The following UNC5C variants were observed in gnomAD, a reference collection of about 807,000 sequenced individuals.
UNC5C encodes netrin receptor UNC5C.
A neutral mutation model predicts 99.8 loss-of-function variants in UNC5C; 47 were observed. The ratio of observed to expected loss-of-function variants is 0.47; its 90% confidence interval spans 0.37 to 0.60. The LOEUF is 0.60. UNC5C is among the 20% of genes least tolerant of loss of function. The pLI is 0.00. For missense variants in UNC5C, 1,062 were observed against 1,165.9 expected, an observed-to-expected ratio of 0.91 and a Z score of 1.30; for synonymous variants, 487 against 452.2, an observed-to-expected ratio of 1.08 and a Z score of -0.98.
intron 10 of UNC5C, 32 bp from the exon 11 acceptor site, chr4:95,206,828 C>T: frequency 1.3e-6 from 2 of 1,497,898 alleles, no homozygotes; most frequent in Non-Finnish European, 1.8e-6. Flanking sequence ...GCTTCAGTGA[C>T]ATTTCCATTG....
At chr4:95,239,188 C>T (rs1418905531) in intron 7 of UNC5C, among the ~76,000 whole-genome samples, 1 of 152,144 alleles carries the variant, frequency 6.6e-6, no homozygotes, top group Non-Finnish European at 1.5e-5. Flanking sequence ...TAGATAGTGG[C>T]TTGCTGTTTG....
chr4:95,489,747 T>C (rs758721159), intron 1 of UNC5C, among the ~76,000 whole-genome samples: 4 of 151,524 alleles, frequency 2.6e-5, no homozygotes, highest in Non-Finnish European at 5.9e-5. Flanking sequence ...AGCTGACGAA[T>C]GGAATGGGAT....
intron 1 of UNC5C, among the ~76,000 whole-genome samples, chr4:95,515,026 A>G (rs987018989): frequency 6.6e-6 from 1 of 152,184 alleles, no homozygotes; most frequent in Non-Finnish European, 1.5e-5. Flanking sequence ...CTCCATCTCC[A>G]TAATGAAAGA....
intron 1 of UNC5C, among the ~76,000 whole-genome samples, chr4:95,438,871 T>C (rs1746866453): frequency 6.6e-6 from 1 of 152,134 alleles, no homozygotes; most frequent in African/African-American, 2.4e-5. Flanking sequence ...TATTTAGTTT[T>C]CCAGAAATGA....
At chr4:95,541,504 C>G (rs544977397) in intron 1 of UNC5C, among the ~76,000 whole-genome samples, 1 of 152,106 alleles carries the variant, frequency 6.6e-6, no homozygotes, top group South Asian at 2.1e-4. Flanking sequence ...TAAGTGGATA[C>G]TTTTATATCA....
chr4:95,397,567 C>A (rs532360101), intron 1 of UNC5C, among the ~76,000 whole-genome samples: 1 of 152,290 alleles, frequency 6.6e-6, no homozygotes, highest in African/African-American at 2.4e-5. Flanking sequence ...TAAATATATT[C>A]TTCCAAAGTA....
chr4:95,543,482 T>C (rs1722968994), intron 1 of UNC5C, among the ~76,000 whole-genome samples: 1 of 152,250 alleles, frequency 6.6e-6, no homozygotes, highest in Non-Finnish European at 1.5e-5. Context: ...AAATATAGTT[T>C]GAATAAATGA....
At chr4:95,492,175 G>A (rs923936036) in intron 1 of UNC5C, among the ~76,000 whole-genome samples, 19 of 151,326 alleles carry the variant, frequency 1.3e-4, no homozygotes, top group African/African-American at 3.6e-4. Flanking sequence ...ATAGTTTGGG[G>A]AAGGAATTAT....
At position 95,250,435 on chromosome 4, in the gene UNC5C, G is replaced by A. The variant is rs890241152; in HGVS notation, c.775+52C>T. On this transcript the variant is annotated intron_variant, in intron 5 of 15. Transcript: ENST00000453304. ...GGCTTCTAGCTTTACCGATGCCAACGAGAAACTGCAGTTAAACATGAACTA... is the reference window on the plus strand; with the variant it reads ...GGCTTCTAGCTTTACCGATGCCAACAAGAAACTGCAGTTAAACATGAACTA... The A allele has an allele frequency of 3.4e-5, 53 of 1,555,564 alleles. No homozygotes were observed. In the Middle Eastern group the frequency reaches 5.2e-4, roughly 15 times the overall value.
At chr4:95,431,663 C>T (rs1578159870) in intron 1 of UNC5C, among the ~76,000 whole-genome samples, 1 of 151,990 alleles carries the variant, frequency 6.6e-6, no homozygotes, top group African/African-American at 2.4e-5. Context: ...GAAATCATGT[C>T]CTACACATGT....
Position 95,517,731 on chromosome 4 carries a change from C to A in UNC5C, c.124+31003G>T, listed in dbSNP as rs922378618. The stretch of plus-strand genomic sequence containing the variant: ...ATACCAATAAGAAGAGACATCTGGT[C>A]ATTTTGGCATGATCACGTTTCTGTT... On this transcript the variant is annotated intron_variant, in intron 1 of 15. Coordinates refer to ENST00000453304, the MANE Select transcript of UNC5C (RefSeq NM_003728.4). 3.9e-5 allele frequency among the ~76,000 whole-genome samples: 6 copies of A among 152,150 alleles called. No homozygotes were observed. The South Asian group carries it at 1.2e-3, about 32-fold the overall frequency.
intron 7 of UNC5C, among the ~76,000 whole-genome samples, chr4:95,237,603 A>T (rs1032713752): frequency 6.6e-5 from 10 of 152,190 alleles, no homozygotes; most frequent in Admixed American, 3.9e-4. Context: ...TAAGCATTCT[A>T]AAAACTATAA....
At chr4:95,245,806 C>T (rs1739483938) in intron 5 of UNC5C, among the ~76,000 whole-genome samples, 1 of 152,212 alleles carries the variant, frequency 6.6e-6, no homozygotes, top group African/African-American at 2.4e-5. Flanking sequence ...GTAAAACCTA[C>T]ACCGTAAGAC....
chr4:95,238,316 T>G (rs1739201208), intron 7 of UNC5C, among the ~76,000 whole-genome samples: 1 of 152,198 alleles, frequency 6.6e-6, no homozygotes, highest in Admixed American at 6.5e-5. Flanking sequence ...CTTAAAATTT[T>G]TATTTTGAAT....
At position 95,301,704 on chromosome 4, in the gene UNC5C, A is replaced by G. The variant is rs1196772897; in HGVS notation, c.392T>C (p.Val131Ala). ...EVSIEISRQQ[V>A]EELFGPEDYW... Reference sequence around the variant, plus strand: ...ATCTTCAGGTCCAAAGAGTTCTTCCACTTGCTGGCGCGAAATCTCAATGCT... The same window carrying G: ...ATCTTCAGGTCCAAAGAGTTCTTCCGCTTGCTGGCGCGAAATCTCAATGCT... Residue 131 changes from valine to alanine, a missense_variant, in exon 3 of 16, where the codon GTG becomes GCG. By Grantham distance (64) the Val-to-Ala change is moderately conservative. Around this residue, in one of 3 missense-constraint regions of UNC5C, gnomAD observed 249 missense variants for 295.1 expected, o/e 0.84. Coordinates refer to ENST00000453304, the MANE Select transcript of UNC5C (RefSeq NM_003728.4). 6.2e-7 allele frequency: 1 copy of G among 1,613,172 alleles called. No homozygotes were observed. The highest frequency in any genetic ancestry group is 8.5e-7 in the Non-Finnish European group (1 of 1,180,006).
intron 3 of UNC5C, among the ~76,000 whole-genome samples, chr4:95,289,200 A>G (rs569712613): frequency 3.3e-5 from 5 of 152,264 alleles, no homozygotes; most frequent in Non-Finnish European, 1.5e-5. Flanking sequence ...TTACATACCC[A>G]CTTCCTCCAG....
intron 3 of UNC5C, among the ~76,000 whole-genome samples, chr4:95,279,420 T>A (rs1740973414): frequency 6.6e-6 from 1 of 152,220 alleles, no homozygotes; most frequent in African/African-American, 2.4e-5. Context: ...GTTTGTCATT[T>A]TAAACACATC....
intron 1 of UNC5C, among the ~76,000 whole-genome samples, chr4:95,446,172 T>C (rs1036787481): frequency 4.0e-5 from 6 of 151,568 alleles, no homozygotes; most frequent in African/African-American, 1.2e-4. Context: ...TTTACTATGA[T>C]ACAAATAAGT....
intron 2 of UNC5C, among the ~76,000 whole-genome samples, chr4:95,313,125 A>C (rs1164514528): frequency 3.3e-5 from 5 of 152,178 alleles, no homozygotes; most frequent in Non-Finnish European, 7.4e-5. Context: ...AAGACACTTC[A>C]GGAAGAGAGA....
Sources: allele counts gnomAD v4.1 joint callset (sites outside exome capture counted in the v4.1 genomes callset), GRCh38; gene constraint gnomAD v4.1.1; regional missense constraint gnomAD v4.1.1; transcripts MANE v1.5; gene names NCBI Gene and HGNC (gene_info 2026-07-23, HGNC 2026-07-21).